The following PCCA variants were observed in gnomAD, a reference collection of about 807,000 sequenced individuals.
PCCA encodes propionyl-CoA carboxylase subunit alpha.
PCCA carries 74 observed loss-of-function variants against 101.3 expected under a neutral mutation model. That is an observed-to-expected ratio of 0.73 (90% CI 0.61 to 0.89). The LOEUF (loss-of-function observed/expected upper bound fraction) is 0.89. PCCA is among the 40% of genes least tolerant of loss of function. The pLI is 0.00. For missense variants in PCCA, 891 were observed against 907.0 expected, an observed-to-expected ratio of 0.98 and a Z score of 0.23; for synonymous variants, 294 against 313.6, an observed-to-expected ratio of 0.94 and a Z score of 0.66.
intron 14 of PCCA, 143 bp downstream of exon 14, chr13:100,303,141 C>A: frequency 2.8e-6 from 2 of 715,292 alleles, no homozygotes; most frequent in South Asian, 3.0e-5. Flanking sequence ...GTGTTGAAAA[C>A]AAATTTTTTT....
At chr13:100,449,214 G>T (rs1566334112) in intron 20 of PCCA, 38 bp from the exon 21 acceptor site, 1 of 1,322,098 alleles carries the variant, frequency 7.6e-7, no homozygotes, top group Non-Finnish European at 1.1e-6. Flanking sequence ...AAGCTGTGCA[G>T]ATATGAGTTC....
chr13:100,317,277 G>T (rs904533825), intron 16 of PCCA, among the ~76,000 whole-genome samples: 1 of 151,868 alleles, frequency 6.6e-6, no homozygotes. Flanking sequence ...TTTATTTATT[G>T]TAATATATGA....
chr13:100,091,439 A>T (rs764322706), intron 1 of PCCA, among the ~76,000 whole-genome samples: 1 of 152,196 alleles, frequency 6.6e-6, no homozygotes, highest in Non-Finnish European at 1.5e-5. Flanking sequence ...ATAGAGTAGC[A>T]TTATGTTTGT....
chr13:100,101,538 A>G (rs986541952), intron 1 of PCCA, among the ~76,000 whole-genome samples: 3 of 152,144 alleles, frequency 2.0e-5, no homozygotes, highest in African/African-American at 7.2e-5. Context: ...TTTATAAACT[A>G]TATCTTTTTG....
chr13:100,376,825 G>T lies in PCCA; in HGVS notation c.1746+8251G>T, dbSNP rs115448898. 3.6e-3 allele frequency among the ~76,000 whole-genome samples: 554 copies of T among 152,218 alleles called. 3 individuals are homozygous for T. Among genetic ancestry groups the T allele is most frequent in the African/African-American group, 0.012 (515 of 41,540 alleles). ...CCAGGGGAGTGAATGGTTCTGTTTC[G>T]CTGGTGTTCCAGGCACCACTGGGGT... On this transcript the variant is annotated intron_variant, in intron 19 of 23. Transcript: ENST00000376285.
At position 100,526,499 on chromosome 13, in the gene PCCA, T is replaced by C. The variant is rs182553476; in HGVS notation, c.2041-1176T>C. 8.5e-5 allele frequency among the ~76,000 whole-genome samples: 13 copies of C among 152,298 alleles called. No homozygotes were observed. In the East Asian group the frequency reaches 2.3e-3, roughly 27 times the overall value. The stretch of plus-strand genomic sequence containing the variant: ...GCTCCAGAGTGCCAGCAAGACAGCT[T>C]GCGCCACACGGGGGGGCCAGAGGGG... On this transcript the variant is annotated intron_variant, in intron 22 of 23. Coordinates refer to ENST00000376285, the MANE Select transcript of PCCA (RefSeq NM_000282.4).
intron 12 of PCCA, among the ~76,000 whole-genome samples, chr13:100,279,339 G>A (rs977519945): frequency 1.2e-4 from 18 of 152,156 alleles, no homozygotes; most frequent in Admixed American, 1.3e-4. Flanking sequence ...TTTTTAGAAT[G>A]TATCTGTGTG....
intron 7 of PCCA, among the ~76,000 whole-genome samples, chr13:100,211,930 G>C (rs1344921214): frequency 6.6e-6 from 1 of 151,998 alleles, no homozygotes; most frequent in Non-Finnish European, 1.5e-5. Context: ...TGTAGAGACG[G>C]GGGTCTCACT....
At chr13:100,370,365 G>A (rs1276535371) in intron 19 of PCCA, among the ~76,000 whole-genome samples, 3 of 151,996 alleles carry the variant, frequency 2.0e-5, no homozygotes, top group Middle Eastern at 6.8e-3. Flanking sequence ...GATCACAGGC[G>A]AGCGTTGCTT....
At chr13:100,183,772 A>G (rs1444290736) in intron 6 of PCCA, among the ~76,000 whole-genome samples, 1 of 152,140 alleles carries the variant, frequency 6.6e-6, no homozygotes, top group African/African-American at 2.4e-5. Context: ...TAAGCCCGGA[A>G]GGCGAGGGGC....
chr13:100,407,138 AC>A (rs1431328837), intron 19 of PCCA, among the ~76,000 whole-genome samples: 2 of 152,266 alleles, frequency 1.3e-5, no homozygotes, highest in Non-Finnish European at 2.9e-5. Context: ...AATAGCATAT[AC>A]TTGGACATTA....
intron 18 of PCCA, among the ~76,000 whole-genome samples, chr13:100,361,298 C>CGT (rs34902611): frequency 0.7 from 105,980 of 151,808 alleles, 37,323 homozygotes; most frequent in Middle Eastern, 0.8. Context: ...TTAACAGTAA[C>CGT]ATTGATATTG....
At chr13:100,307,499 C>CAAT (rs1408754877) in intron 15 of PCCA, among the ~76,000 whole-genome samples, 1 of 152,096 alleles carries the variant, frequency 6.6e-6, no homozygotes, top group African/African-American at 2.4e-5. Context: ...CATGCATGAA[C>CAAT]AATAATAATA....
intron 8 of PCCA, among the ~76,000 whole-genome samples, chr13:100,240,744 A>G (rs1382680974): frequency 4.6e-5 from 7 of 152,184 alleles, no homozygotes; most frequent in Non-Finnish European, 8.8e-5. Flanking sequence ...CTGTTCATAT[A>G]CTAATCCATT....
At chr13:100,450,782 A>C (rs2081168542) in intron 21 of PCCA, among the ~76,000 whole-genome samples, 1 of 152,314 alleles carries the variant, frequency 6.6e-6, no homozygotes, top group South Asian at 2.1e-4. Flanking sequence ...ATGTAACCTA[A>C]ATTTTAAGTA....
At chr13:100,117,087 T>G (rs772429357) in intron 4 of PCCA, among the ~76,000 whole-genome samples, 84 of 152,214 alleles carry the variant, frequency 5.5e-4, no homozygotes, top group Non-Finnish European at 1.1e-3. Flanking sequence ...AGGGTGCTTT[T>G]GTGTCCTTGC....
intron 12 of PCCA, among the ~76,000 whole-genome samples, chr13:100,281,145 A>G (rs537645269): frequency 6.6e-6 from 1 of 152,336 alleles, no homozygotes; most frequent in Admixed American, 6.5e-5. Flanking sequence ...GGCAATTCAC[A>G]TATGCCAGAG....
intron 12 of PCCA, among the ~76,000 whole-genome samples, chr13:100,292,882 A>C (rs1461420850): frequency 6.6e-6 from 1 of 151,834 alleles, no homozygotes; most frequent in African/African-American, 2.4e-5. Context: ...TACATGGCTT[A>C]GGCCTTTGTG....
intron 21 of PCCA, among the ~76,000 whole-genome samples, chr13:100,506,435 G>T (rs924628504): frequency 6.6e-6 from 1 of 152,110 alleles, no homozygotes; most frequent in East Asian, 1.9e-4. Context: ...AGTTTTCTTG[G>T]CCGACGGTCT....
Sources: allele counts gnomAD v4.1 joint callset (sites outside exome capture counted in the v4.1 genomes callset), GRCh38; gene constraint gnomAD v4.1.1; transcripts MANE v1.5; gene names NCBI Gene and HGNC (gene_info 2026-07-23, HGNC 2026-07-21).